NPHP3: variants seen among roughly 807,000 people sequenced by gnomAD.
The protein encoded by NPHP3 is nephrocystin-3.
NPHP3 carries 123 observed loss-of-function variants against 171.9 expected under a neutral mutation model. The observed-to-expected ratio is 0.72, with a 90% CI of 0.62 to 0.83. The LOEUF is 0.83. Among genes scored for constraint, NPHP3 ranks in the 40% least tolerant of loss-of-function variants. The probability of loss-of-function intolerance (pLI) is 0.00; values close to 1 mark genes in which losing one functional copy is unlikely to be tolerated. For missense variants in NPHP3, 1,506 were observed against 1,591.9 expected (o/e 0.95, Z 0.92); for synonymous variants, 558 against 579.2 (o/e 0.96, Z 0.52).
intron 6 of NPHP3, among the ~76,000 whole-genome samples, chr3:132,709,000 A>G (rs1300699184): frequency 1.3e-5 from 2 of 152,092 alleles, no homozygotes; most frequent in African/African-American, 4.8e-5. Context: ...TGGCAGCCCC[A>G]AAGTTTTGAG....
In NPHP3 at chr3:132,713,187, T is replaced by C. The variant is rs1274912860; in HGVS notation, c.1057A>G (p.Arg353Gly). ...IDVENQYLTV[R>G]KWEIEKSSLV... ...GAACTTTTCTCAATTTCCCATTTTC[T>C]TACAGTGAGGTATTGATTTTCAACA... Residue 353 changes from arginine to glycine, a missense_variant, in exon 6 of 27, where the codon AGA becomes GGA. Arg to Gly is a moderately radical substitution (Grantham distance 125). This residue lies in a region of NPHP3 where 930 missense variants were observed against 924.9 expected (regional missense o/e 1.01). Coordinates refer to ENST00000337331, the MANE Select transcript of NPHP3 (RefSeq NM_153240.5). The C allele has an allele frequency of 6.5e-7, 1 of 1,549,892 alleles. No homozygotes were observed. Among genetic ancestry groups the C allele is most frequent in the Non-Finnish European group, 8.9e-7 (1 of 1,129,780 alleles).
At chr3:132,720,134 A>T (rs1940168433) in intron 1 of NPHP3, among the ~76,000 whole-genome samples, 1 of 152,230 alleles carries the variant, frequency 6.6e-6, no homozygotes. Context: ...TCTTTGTGAT[A>T]GTAAAAATTA....
intron 8 of NPHP3, among the ~76,000 whole-genome samples, chr3:132,705,141 G>T (rs1238824842): frequency 6.6e-6 from 1 of 152,016 alleles, no homozygotes; most frequent in African/African-American, 2.4e-5. Flanking sequence ...TTGAGGGAGA[G>T]GGGAATAATA....
chr3:132,703,633 G>A (rs1352183440), intron 9 of NPHP3, among the ~76,000 whole-genome samples: 4 of 150,566 alleles, frequency 2.7e-5, no homozygotes, highest in Non-Finnish European at 4.4e-5. Context: ...AGGCTGGAGG[G>A]CAGGGGTGTG....
At chr3:132,692,624 T>G in intron 17 of NPHP3, 30 bp downstream of exon 17, 1 of 1,602,564 alleles carries the variant, frequency 6.2e-7, no homozygotes. Context: ...CTTAAATAAA[T>G]AAATAAAAAG....
chr3:132,682,461 T>G (rs1209209008), intron 26 of NPHP3: 1 of 569,076 alleles, frequency 1.8e-6, no homozygotes, highest in Non-Finnish European at 3.1e-6. Flanking sequence ...CAGAGCCAGA[T>G]GTAGTATAAA....
Position 132,700,109 on chromosome 3 carries a change from T to G in NPHP3, c.1744-48A>C, listed in dbSNP as rs375816508. The G allele has an allele frequency of 7.7e-5, 123 of 1,602,046 alleles. 1 individual carries two copies. The African/African-American group carries it at 1.6e-3, about 20-fold the overall frequency. ...AACTGAAGTAGTTACACGTAGTTACTGAAGTAGTTACAGAGCTGGGGGAAA... is the reference window on the plus strand; with the variant it reads ...AACTGAAGTAGTTACACGTAGTTACGGAAGTAGTTACAGAGCTGGGGGAAA... On this transcript the variant is annotated intron_variant, in intron 11 of 26. Transcript: ENST00000337331.
chr3:132,722,176 C>G lies in NPHP3; in HGVS notation c.180G>C (p.Leu60=), dbSNP rs980604591. 2 of 1,551,226 alleles carry G rather than the reference C, an allele frequency of 1.3e-6. No individual in the cohort carries two copies. Residue 60 remains leucine (L), a synonymous_variant, in exon 1 of 27, where the codon CTG becomes CTC. Transcript: ENST00000337331. The part of the protein sequence containing the change: ...GAAAGAGPGS[L]PRGVGAGGLL... Reference sequence around the variant, plus strand: ...GCCCGCCCGCGCCCACCCCGCGGGGCAGCGACCCGGGCCCGGCCCCTGCTG... The same window carrying G: ...GCCCGCCCGCGCCCACCCCGCGGGGGAGCGACCCGGGCCCGGCCCCTGCTG...
chr3:132,702,069 T>G (rs1050342370), intron 9 of NPHP3, among the ~76,000 whole-genome samples: 13 of 152,128 alleles, frequency 8.5e-5, no homozygotes, highest in Admixed American at 5.2e-4. Flanking sequence ...GGCCCCAATT[T>G]CTTCTACATG....
At position 132,701,420 on chromosome 3, in the gene NPHP3, T is replaced by A; in HGVS notation, c.1628+10A>T. 1 of 1,540,520 alleles carries A rather than the reference T, an allele frequency of 6.5e-7. No individual in the cohort carries two copies. The highest frequency in any genetic ancestry group is 9.0e-7 in the Non-Finnish European group (1 of 1,113,016). On this transcript the variant is annotated intron_variant, in intron 10 of 26. Transcript: ENST00000337331. ...AATGACAACAATAATTTAATTGCAC[T>A]GCATCATACCACTTTGATAAAAGAA...
intron 9 of NPHP3, 71 bp from the exon 10 acceptor site, chr3:132,701,604 A>G: frequency 2.1e-6 from 2 of 973,938 alleles, no homozygotes; most frequent in South Asian, 2.7e-5. Context: ...TCAACTTCTG[A>G]TTATTCTTTG....
At position 132,689,167 on chromosome 3, in the gene NPHP3, C is replaced by CTCATACTGCTTT; in HGVS notation, c.2789_2790insAAAGCAGTATGA (p.Gln928_Lys931dup). ...TGTTGTCCTCGCCTTCGCAGTTTTT[C>CTCATACTGCTTT]TCATACTGCTTCAATGAATCGAAGT... On this transcript the variant is annotated inframe_insertion, in exon 20 of 27. Transcript: ENST00000337331. 1 of 1,614,154 alleles carries CTCATACTGCTTT rather than the reference C, an allele frequency of 6.2e-7. No individual in the cohort carries two copies.
At chr3:132,712,567 C>G (rs1939940978) in intron 6 of NPHP3, 1 of 438,888 alleles carries the variant, frequency 2.3e-6, no homozygotes, top group African/African-American at 2.0e-5. Context: ...GAGATTGAGA[C>G]CATCCTGGCT....
At position 132,712,877 on chromosome 3, in the gene NPHP3, A is replaced by G. The variant is rs372462309; in HGVS notation, c.1118+249T>C. Among the ~76,000 whole-genome samples, 26 of 152,316 alleles carry G rather than the reference A, an allele frequency of 1.7e-4. 2 individuals are homozygous for G. The East Asian group carries it at 3.1e-3, about 18-fold the overall frequency. ...CCTGGCTAGATTTGGCCCTTGGGCT[A>G]TATTTGCCAAACTCTGATTAAAATA... On this transcript the variant is annotated intron_variant, in intron 6 of 26. Transcript: ENST00000337331.
At chr3:132,686,080 C>T (rs978559877) in intron 23 of NPHP3, 180 bp downstream of exon 23, 1 of 582,120 alleles carries the variant, frequency 1.7e-6, no homozygotes, top group Non-Finnish European at 3.0e-6. Flanking sequence ...AAAAGAAACA[C>T]AGTAGAGAAA....
In NPHP3 at chr3:132,716,892, C is replaced by T. The variant is rs748204407; in HGVS notation, c.688G>A (p.Glu230Lys). ...CCCAAGGCTCCGCCAGTCCAATATT[C>T]ACATTGGGTTCCAGCAGCTGTTCAG... ...TDVTAAGTQC[E>K]YWTGGALGSE... Residue 230 changes from glutamate to lysine, a missense_variant, in exon 4 of 27, where the codon GAA becomes AAA. Around this residue, in one of 3 missense-constraint regions of NPHP3, gnomAD observed 930 missense variants for 924.9 expected, o/e 1.01. Coordinates refer to ENST00000337331, the MANE Select transcript of NPHP3 (RefSeq NM_153240.5). 1.2e-6 allele frequency: 2 copies of T among 1,614,064 alleles called. No homozygotes were observed.
At chr3:132,716,967 C>T (rs1368699841) in intron 3 of NPHP3, 58 bp from the exon 4 acceptor site, 2 of 1,523,774 alleles carry the variant, frequency 1.3e-6, no homozygotes, top group East Asian at 2.2e-5. Context: ...TTCAAAAACT[C>T]ATCACATATA....
Position 132,682,110 on chromosome 3 carries a change from A to G in NPHP3, c.3813-20T>C. The G allele has an allele frequency of 6.2e-7, 1 of 1,606,146 alleles. No homozygotes were observed. Among genetic ancestry groups the G allele is most frequent in the Non-Finnish European group, 8.5e-7 (1 of 1,172,818 alleles). On this transcript the variant is annotated intron_variant, in intron 26 of 26. Coordinates refer to ENST00000337331, the MANE Select transcript of NPHP3 (RefSeq NM_153240.5). ...TCATAGCTTTGAGAGAGAAAACAAA[A>G]ACTCTTAAAATGAGAATATAACCTC...
intron 4 of NPHP3, among the ~76,000 whole-genome samples, chr3:132,715,631 T>C (rs1160006358): frequency 6.6e-6 from 1 of 152,224 alleles, no homozygotes; most frequent in Non-Finnish European, 1.5e-5. Context: ...GCTAACTATA[T>C]TTAGTGAGAG....
Sources: allele counts gnomAD v4.1 joint callset (sites outside exome capture counted in the v4.1 genomes callset), GRCh38; gene constraint gnomAD v4.1.1; regional missense constraint gnomAD v4.1.1; transcripts MANE v1.5; gene names NCBI Gene and HGNC (gene_info 2026-07-23, HGNC 2026-07-21).